Variants in APH1B observed in about 807,000 individuals in gnomAD.
APH1B encodes the protein gamma-secretase subunit APH-1B.
In APH1B, 27 loss-of-function variants were observed where a neutral mutation model predicts 28.2. The observed-to-expected ratio is 0.96, with a 90% confidence interval of 0.70 to 1.32. The LOEUF is 1.32. Ranked by LOEUF, APH1B falls within the 40% of genes most tolerant of loss-of-function variation. The pLI is 0.00. For missense variants in APH1B, 305 were observed against 313.6 expected, an observed-to-expected ratio of 0.97 and a Z score of 0.21; for synonymous variants, 141 against 124.6, an observed-to-expected ratio of 1.13 and a Z score of -0.88.
In APH1B at chr15:63,279,147, C is replaced by G. The variant is rs768678468; in HGVS notation, c.114-14C>G. 2.6e-6 allele frequency: 4 copies of G among 1,554,230 alleles called. No individual in the cohort carries two copies. In the East Asian group the frequency reaches 9.2e-5, roughly 36 times the overall value. On this transcript the variant is annotated splice_polypyrimidine_tract_variant and intron_variant, in intron 1 of 5. Coordinates refer to ENST00000261879, the MANE Select transcript of APH1B (RefSeq NM_031301.4). ...CTGATGTTCACTTGTAACTTTTTTT[C>G]CCGTATTTTTCAGAGCTTTCTTCTG...
intron 2 of APH1B, among the ~76,000 whole-genome samples, chr15:63,283,535 A>G (rs2038412352): frequency 1.3e-5 from 2 of 152,216 alleles, no homozygotes; most frequent in African/African-American, 4.8e-5. Context: ...CAGACAATTT[A>G]TCTCTTAAAT....
rs182687925 is a variant in APH1B, at chr15:63,293,537, G to T, written c.478+5991G>T. Among the ~76,000 whole-genome samples, 476 of 145,602 alleles carry T rather than the reference G, an allele frequency of 3.3e-3. 7 individuals are homozygous for T. Among genetic ancestry groups the T allele is most frequent in the Non-Finnish European group, 4.3e-3 (286 of 66,586 alleles). On this transcript the variant is annotated intron_variant, in intron 4 of 5. Transcript: ENST00000261879. ...TCTTGAGACAGAGTCTTGCTCTGTTGCCCAGGCTGGAGTGCAGTGGCACGA... is the reference window on the plus strand; with the variant it reads ...TCTTGAGACAGAGTCTTGCTCTGTTTCCCAGGCTGGAGTGCAGTGGCACGA...
chr15:63,294,018 A>G (rs114965508), intron 4 of APH1B, among the ~76,000 whole-genome samples: 2,109 of 151,586 alleles, frequency 0.014, 47 homozygotes, highest in African/African-American at 0.049. Context: ...TCCTGCCTCA[A>G]CCTCCTGAAA....
chr15:63,289,019 A>G (rs914267544), intron 4 of APH1B, among the ~76,000 whole-genome samples: 2 of 152,138 alleles, frequency 1.3e-5, no homozygotes, highest in African/African-American at 2.4e-5. Flanking sequence ...TTTTCATACG[A>G]TGTTTAAAAT....
intron 4 of APH1B, among the ~76,000 whole-genome samples, chr15:63,295,830 A>G (rs1287972665): frequency 6.6e-6 from 1 of 152,228 alleles, no homozygotes; most frequent in Non-Finnish European, 1.5e-5. Flanking sequence ...TGGCCATTTA[A>G]TGAAATGAAA....
chr15:63,279,754 CT>C (rs886885732), intron 2 of APH1B, among the ~76,000 whole-genome samples: 1 of 151,166 alleles, frequency 6.6e-6, no homozygotes, highest in African/African-American at 2.4e-5. Flanking sequence ...ATCATTCCAG[CT>C]TAGAATGTAT....
chr15:63,286,580 A>G lies in APH1B; in HGVS notation c.307A>G (p.Ser103Gly), dbSNP rs1310432382. 1 of 1,600,388 alleles carries G rather than the reference A, an allele frequency of 6.2e-7. No homozygotes were observed. The highest frequency in any genetic ancestry group is 8.5e-7 in the Non-Finnish European group (1 of 1,175,378). Residue 103 changes from serine to glycine, a missense_variant, in exon 3 of 6, where the codon AGT (serine) becomes GGT (glycine). Transcript: ENST00000261879. ...LLKKASEGLKSINPGETAPSM... is the reference protein window; with the variant it reads ...LLKKASEGLKGINPGETAPSM... ...TAGAAAAGCCAGTGAAGGTTTGAAG[A>G]GTATAAACCCAGGTGAGACAGCACC...
At chr15:63,300,720 C>A (rs980291434) in intron 4 of APH1B, among the ~76,000 whole-genome samples, 5 of 152,206 alleles carry the variant, frequency 3.3e-5, no homozygotes, top group African/African-American at 7.2e-5. Context: ...GAAATAATTA[C>A]ACGTTTACAC....
chr15:63,287,595 A>C, intron 4 of APH1B, 49 bp downstream of exon 4: 1 of 1,594,114 alleles, frequency 6.3e-7, no homozygotes, highest in Non-Finnish European at 8.6e-7. Flanking sequence ...CTAAATGATC[A>C]TTCTTATTGG....
chr15:63,297,418 A>G (rs1365036958), intron 4 of APH1B, among the ~76,000 whole-genome samples: 1 of 152,072 alleles, frequency 6.6e-6, no homozygotes, highest in East Asian at 1.9e-4. Flanking sequence ...AGTCCCAGCT[A>G]CTCAGGAGGC....
intron 4 of APH1B, among the ~76,000 whole-genome samples, chr15:63,289,863 G>T (rs2038486167): frequency 6.6e-6 from 1 of 152,126 alleles, no homozygotes; most frequent in African/African-American, 2.4e-5. Flanking sequence ...ATTCAGCTGG[G>T]TATGGTGGTG....
chr15:63,301,132 A>T (rs1399993768), intron 4 of APH1B, among the ~76,000 whole-genome samples: 1 of 152,240 alleles, frequency 6.6e-6, no homozygotes, highest in East Asian at 1.9e-4. Flanking sequence ...GTGGGTCCCC[A>T]TAATTTGGAG....
intron 4 of APH1B, among the ~76,000 whole-genome samples, chr15:63,291,154 A>C (rs900302679): frequency 6.6e-6 from 1 of 152,222 alleles, no homozygotes; most frequent in Non-Finnish European, 1.5e-5. Flanking sequence ...AAGTGCTTAT[A>C]AGCTCTAAAC....
chr15:63,296,331 C>A (rs538461738), intron 4 of APH1B, among the ~76,000 whole-genome samples: 3 of 152,312 alleles, frequency 2.0e-5, no homozygotes, highest in Non-Finnish European at 2.9e-5. Flanking sequence ...TGCCTCTGGG[C>A]AGCTGCGGCT....
intron 2 of APH1B, among the ~76,000 whole-genome samples, chr15:63,284,424 A>G (rs991358616): frequency 6.6e-6 from 1 of 152,058 alleles, no homozygotes; most frequent in Non-Finnish European, 1.5e-5. Flanking sequence ...ATGTTGCCCA[A>G]CCTGGTCTCA....
At chr15:63,279,917 C>T (rs956160329) in intron 2 of APH1B, among the ~76,000 whole-genome samples, 7 of 151,964 alleles carry the variant, frequency 4.6e-5, no homozygotes, top group Non-Finnish European at 7.4e-5. Flanking sequence ...CCTGCCTCAG[C>T]CTCCCGAGTA....
rs543944967 is a variant in APH1B, at chr15:63,293,898, G to A, written c.478+6352G>A. Among the ~76,000 whole-genome samples, 54 of 151,836 alleles carry A rather than the reference G, an allele frequency of 3.6e-4. 1 individual carries two copies. In the South Asian group the frequency reaches 8.1e-3, roughly 23 times the overall value. On this transcript the variant is annotated intron_variant, in intron 4 of 5. Coordinates refer to ENST00000261879, the MANE Select transcript of APH1B (RefSeq NM_031301.4). ...TGCCACTTCAGCCTCAAGTAGCTGG[G>A]ACCACAGGCACATGCCACTAAACTC...
At chr15:63,285,130 G>T (rs992502408) in intron 2 of APH1B, among the ~76,000 whole-genome samples, 1 of 152,138 alleles carries the variant, frequency 6.6e-6, no homozygotes, top group African/African-American at 2.4e-5. Context: ...CACCAAAATG[G>T]CAGATTGTTT....
chr15:63,300,883 A>G (rs2038619950), intron 4 of APH1B, among the ~76,000 whole-genome samples: 3 of 152,220 alleles, frequency 2.0e-5, no homozygotes, highest in Admixed American at 6.5e-5. Context: ...ATCGTAGACC[A>G]TATAGTATTC....
Sources: allele counts gnomAD v4.1 joint callset (sites outside exome capture counted in the v4.1 genomes callset), GRCh38; gene constraint gnomAD v4.1.1; transcripts MANE v1.5; gene names NCBI Gene and HGNC (gene_info 2026-07-23, HGNC 2026-07-21).